The following DPP10 variants were observed in gnomAD, a reference collection of about 807,000 sequenced individuals.
DPP10 encodes dipeptidyl peptidase like 10.
In DPP10, 33 loss-of-function variants were observed where a neutral mutation model predicts 120.9. The observed-to-expected ratio is 0.27, with a 90% confidence interval of 0.21 to 0.37. The LOEUF is 0.37. DPP10 is among the 10% of genes least tolerant of loss of function. The probability of loss-of-function intolerance (pLI) is 1.00; values close to 1 mark genes in which losing one functional copy is unlikely to be tolerated. For synonymous variants in DPP10, 337 were observed against 326.1 expected (o/e 1.03, Z -0.36); for missense variants, 816 against 942.8 (o/e 0.87, Z 1.76).
chr2:115,524,357 T>TA (rs1255898741), intron 4 of DPP10, among the ~76,000 whole-genome samples: 8 of 152,082 alleles, frequency 5.3e-5, no homozygotes, highest in African/African-American at 1.7e-4. Context: ...GAGCTATTCT[T>TA]ATGAGTAGCA....
intron 1 of DPP10, among the ~76,000 whole-genome samples, chr2:115,184,948 A>ACAAT (rs1389547743): frequency 2.6e-5 from 4 of 152,372 alleles, no homozygotes; most frequent in African/African-American, 9.6e-5. Flanking sequence ...GACAAAGGAT[A>ACAAT]CAATCATCAT....
chr2:114,662,785 G>A (rs1697531769), intron 1 of DPP10, among the ~76,000 whole-genome samples: 1 of 152,124 alleles, frequency 6.6e-6, no homozygotes, highest in Non-Finnish European at 1.5e-5. Context: ...GTGCCAGGGG[G>A]GGACCTTGGG....
intron 19 of DPP10, among the ~76,000 whole-genome samples, chr2:115,798,592 TC>T (rs1471625322): frequency 1.3e-5 from 2 of 152,230 alleles, no homozygotes; most frequent in South Asian, 2.1e-4. Context: ...TCCAGGCTTT[TC>T]TAGTCCAACA....
intron 1 of DPP10, among the ~76,000 whole-genome samples, chr2:115,046,200 A>G (rs1048963817): frequency 2.6e-5 from 4 of 152,340 alleles, no homozygotes; most frequent in Admixed American, 2.0e-4. Context: ...CATCTGTAAA[A>G]TTATCATTTC....
At chr2:115,367,518 T>C (rs1383497905) in intron 3 of DPP10, among the ~76,000 whole-genome samples, 1 of 152,086 alleles carries the variant, frequency 6.6e-6, no homozygotes, top group Non-Finnish European at 1.5e-5. Flanking sequence ...AACTATCATA[T>C]GACTTTTTAC....
rs192467576 is a variant in DPP10, at chr2:115,640,744, T to C, written c.442-48943T>C. Among the ~76,000 whole-genome samples, 42 of 152,254 alleles carry C rather than the reference T, an allele frequency of 2.8e-4. No homozygotes were observed. The East Asian group carries it at 8.1e-3, about 30-fold the overall frequency. ...CTGCTGGGAAGCTTTACGAGATTAT[T>C]GAATACCTTTCTAGCAATTAGAGCT... On this transcript the variant is annotated intron_variant, in intron 5 of 25. Coordinates refer to ENST00000410059, the MANE Select transcript of DPP10 (RefSeq NM_020868.6).
intron 1 of DPP10, among the ~76,000 whole-genome samples, chr2:115,001,178 T>C (rs1558974099): frequency 6.6e-6 from 1 of 152,204 alleles, no homozygotes; most frequent in Non-Finnish European, 1.5e-5. Flanking sequence ...ACTTTTTAAA[T>C]TTTCAGTGCT....
intron 1 of DPP10, among the ~76,000 whole-genome samples, chr2:115,217,312 G>A (rs2056891008): frequency 6.6e-6 from 1 of 152,022 alleles, no homozygotes; most frequent in Non-Finnish European, 1.5e-5. Flanking sequence ...CCCTTTTTGT[G>A]AGTGCTAGAA....
chr2:115,419,396 G>A (rs1255630270), intron 3 of DPP10, among the ~76,000 whole-genome samples: 1 of 152,096 alleles, frequency 6.6e-6, no homozygotes, highest in Non-Finnish European at 1.5e-5. Flanking sequence ...AAGGGGAGCA[G>A]GCATGTCATA....
intron 1 of DPP10, among the ~76,000 whole-genome samples, chr2:114,987,443 T>A (rs1700473228): frequency 6.6e-6 from 1 of 152,170 alleles, no homozygotes; most frequent in Non-Finnish European, 1.5e-5. Flanking sequence ...TTCATATAAT[T>A]TCACCCCTTG....
chr2:114,546,637 T>C (rs1160404183), intron 1 of DPP10, among the ~76,000 whole-genome samples: 1 of 152,202 alleles, frequency 6.6e-6, no homozygotes, highest in Non-Finnish European at 1.5e-5. Context: ...CAAGCCATAC[T>C]ACTCAATTTT....
At position 115,816,679 on chromosome 2, in the gene DPP10, C is replaced by T. The variant is rs563046323; in HGVS notation, c.1950+950C>T. Among the ~76,000 whole-genome samples the T allele has an allele frequency of 1.6e-4, 23 of 146,096 alleles. 1 individual carries two copies. In the South Asian group the frequency reaches 2.8e-3, roughly 18 times the overall value. On this transcript the variant is annotated intron_variant, in intron 21 of 25. Coordinates refer to ENST00000410059, the MANE Select transcript of DPP10 (RefSeq NM_020868.6). ...GTTGCCAGGCTGGAGTGCAGTGGCG[C>T]GATCTGGGCTCACTGCAACCTCCAC...
intron 1 of DPP10, among the ~76,000 whole-genome samples, chr2:114,760,929 A>G (rs1380151317): frequency 6.6e-6 from 1 of 152,234 alleles, no homozygotes; most frequent in East Asian, 1.9e-4. Flanking sequence ...CAAAAAGGAT[A>G]GCTGTTTTGA....
intron 1 of DPP10, among the ~76,000 whole-genome samples, chr2:114,881,582 G>C (rs2176735): frequency 4.1e-5 from 3 of 73,684 alleles, no homozygotes; most frequent in Non-Finnish European, 9.4e-5. Context: ...CTATCTATCT[G>C]TCTGTCTGTC....
At chr2:115,330,791 G>C (rs1011066881) in intron 2 of DPP10, among the ~76,000 whole-genome samples, 2 of 152,138 alleles carry the variant, frequency 1.3e-5, no homozygotes, top group African/African-American at 4.8e-5. Context: ...CTATATCTCT[G>C]TTTTGGTACG....
At chr2:114,524,499 T>C (rs1390925461) in intron 1 of DPP10, among the ~76,000 whole-genome samples, 1 of 152,204 alleles carries the variant, frequency 6.6e-6, no homozygotes, top group Non-Finnish European at 1.5e-5. Flanking sequence ...AAAATATTAG[T>C]CCTGCCCTTT....
At chr2:114,841,153 A>G (rs1688125876) in intron 1 of DPP10, among the ~76,000 whole-genome samples, 1 of 152,198 alleles carries the variant, frequency 6.6e-6, no homozygotes, top group Admixed American at 6.6e-5. Flanking sequence ...AATTACAGAT[A>G]GTTGCACACC....
intron 2 of DPP10, among the ~76,000 whole-genome samples, chr2:115,326,126 T>G (rs1417953780): frequency 1.3e-5 from 2 of 152,166 alleles, no homozygotes. Flanking sequence ...TTGTAAAATA[T>G]TAGTTCATTG....
intron 1 of DPP10, among the ~76,000 whole-genome samples, chr2:115,104,170 C>CTTTTTT (rs35125894): frequency 5.7e-4 from 48 of 84,662 alleles, no homozygotes; most frequent in Non-Finnish European, 7.5e-4. Context: ...ATACATATGT[C>CTTTTTT]TTTTTTTTTT....
Sources: allele counts gnomAD v4.1 joint callset (sites outside exome capture counted in the v4.1 genomes callset), GRCh38; gene constraint gnomAD v4.1.1; transcripts MANE v1.5; gene names NCBI Gene and HGNC (gene_info 2026-07-23, HGNC 2026-07-21).